TRPM6: variants seen among roughly 807,000 people sequenced by gnomAD.
The protein encoded by TRPM6 is transient receptor potential cation channel subfamily M member 6.
In TRPM6, 111 loss-of-function variants were observed where a neutral mutation model predicts 247.6. The ratio of observed to expected loss-of-function variants is 0.45; its 90% CI spans 0.38 to 0.52. TRPM6 has a LOEUF of 0.52. Among genes scored for constraint, TRPM6 ranks in the 20% least tolerant of loss-of-function variants. TRPM6 has a pLI of 0.00. For missense variants in TRPM6, 2,126 were observed against 2,421.5 expected, an observed-to-expected ratio of 0.88 and a Z score of 2.56; for synonymous variants, 892 against 853.8, an observed-to-expected ratio of 1.04 and a Z score of -0.78.
intron 6 of TRPM6, among the ~76,000 whole-genome samples, chr9:74,833,094 G>A (rs1829600070): frequency 6.6e-6 from 1 of 151,898 alleles, no homozygotes; most frequent in African/African-American, 2.4e-5. Context: ...AATCATGTCT[G>A]TATTAATCGA....
chr9:74,750,655 A>T lies in TRPM6; in HGVS notation c.5057+9T>A. 1 of 1,613,102 alleles carries T rather than the reference A, an allele frequency of 6.2e-7. No individual in the cohort carries two copies. Reference sequence around the variant, plus strand: ...AGATTCTTAAACATAAACATTTAGAAATACTCACAGGGAGTTCCTATTGAG... The same window carrying T: ...AGATTCTTAAACATAAACATTTAGATATACTCACAGGGAGTTCCTATTGAG... On this transcript the variant is annotated intron_variant, in intron 30 of 38. Transcript: ENST00000360774.
intron 4 of TRPM6, among the ~76,000 whole-genome samples, chr9:74,841,047 TATTGTAAATTTTACCTTCTAATTAAA>T (rs780410710): frequency 6.4e-4 from 97 of 152,280 alleles, no homozygotes; most frequent in African/African-American, 1.7e-3. Flanking sequence ...ACATTTAATT[TATTGTAAATTTTACCTTCTAATTAAA>T]ATTGTAAATT....
intron 1 of TRPM6, among the ~76,000 whole-genome samples, chr9:74,869,780 T>C (rs1226810328): frequency 6.6e-6 from 1 of 152,012 alleles, no homozygotes; most frequent in Non-Finnish European, 1.5e-5. Context: ...CGAATGGAAA[T>C]GACTGTAGAG....
At chr9:74,884,341 G>A (rs991612619) in intron 1 of TRPM6, among the ~76,000 whole-genome samples, 7 of 151,206 alleles carry the variant, frequency 4.6e-5, no homozygotes, top group Admixed American at 1.3e-4. Flanking sequence ...TACAAAAAAT[G>A]AGCCGGGCGT....
intron 30 of TRPM6, among the ~76,000 whole-genome samples, chr9:74,750,437 T>G (rs989675681): frequency 2.0e-5 from 3 of 152,128 alleles, no homozygotes; most frequent in Non-Finnish European, 2.9e-5. Context: ...GTTGTAGGAG[T>G]ATGTGTTTCG....
intron 11 of TRPM6, among the ~76,000 whole-genome samples, chr9:74,813,231 A>G (rs1828798095): frequency 6.6e-6 from 1 of 152,340 alleles, no homozygotes; most frequent in South Asian, 2.1e-4. Flanking sequence ...TACAAAATAA[A>G]TCTACAAGGA....
chr9:74,882,157 A>G (rs537653175), intron 1 of TRPM6, among the ~76,000 whole-genome samples: 1 of 152,316 alleles, frequency 6.6e-6, no homozygotes, highest in South Asian at 2.1e-4. Flanking sequence ...TTTTGCAGCT[A>G]AGACCTCATA....
At chr9:74,805,956 A>G (rs1473592872) in intron 14 of TRPM6, among the ~76,000 whole-genome samples, 3 of 152,194 alleles carry the variant, frequency 2.0e-5, no homozygotes, top group African/African-American at 4.8e-5. Context: ...TGTTGATTGG[A>G]TATTTCATTA....
chr9:74,795,131 C>T (rs934905479), intron 18 of TRPM6, among the ~76,000 whole-genome samples: 6 of 152,094 alleles, frequency 3.9e-5, no homozygotes, highest in African/African-American at 1.4e-4. Context: ...CCCTTCAAGA[C>T]GGCCTTGTTT....
At chr9:74,837,560 C>T (rs1044301449) in intron 5 of TRPM6, among the ~76,000 whole-genome samples, 1 of 152,022 alleles carries the variant, frequency 6.6e-6, no homozygotes, top group African/African-American at 2.4e-5. Context: ...CATTCTCCTG[C>T]CTCAGCCTCC....
intron 21 of TRPM6, among the ~76,000 whole-genome samples, chr9:74,783,293 A>T (rs1313458449): frequency 6.6e-6 from 1 of 152,232 alleles, no homozygotes; most frequent in African/African-American, 2.4e-5. Context: ...AGCCAGTTTA[A>T]TTCCATCTAC....
rs1825809703 is a variant in TRPM6 at position 74,739,942 on chromosome 9, G to A, written c.5268C>T (p.Ser1756=). The change falls in exon 34 of 39, where the codon TCC becomes TCT. Residue 1756 remains serine, a synonymous_variant. Transcript: ENST00000360774. Reference sequence around the variant, plus strand: ...CCGCTCTCCCACGCTGAGACCAAGAGGACATGCTTTTATCAAGGTTTAAAG... The same window carrying A: ...CCGCTCTCCCACGCTGAGACCAAGAAGACATGCTTTTATCAAGGTTTAAAG... ...SSPLNLDKSM[S]SWSQRGRAAM... 1 of 1,614,076 alleles carries A rather than the reference G, an allele frequency of 6.2e-7. No homozygotes were observed. Among genetic ancestry groups the A allele is most frequent in the Non-Finnish European group, 8.5e-7 (1 of 1,180,012 alleles).
chr9:74,730,241 A>T (rs1282068855), intron 37 of TRPM6, among the ~76,000 whole-genome samples: 1 of 152,214 alleles, frequency 6.6e-6, no homozygotes, highest in Non-Finnish European at 1.5e-5. Context: ...AGAACATCTC[A>T]TCATCGTTTC....
chr9:74,863,393 T>C (rs1296660835), intron 1 of TRPM6, among the ~76,000 whole-genome samples: 1 of 152,078 alleles, frequency 6.6e-6, no homozygotes, highest in Non-Finnish European at 1.5e-5. Flanking sequence ...CCACATGAAG[T>C]CAGATGTGAA....
intron 25 of TRPM6, among the ~76,000 whole-genome samples, chr9:74,764,836 C>T (rs962729938): frequency 6.6e-6 from 1 of 151,968 alleles, no homozygotes; most frequent in African/African-American, 2.4e-5. Flanking sequence ...AAAACTTTCA[C>T]AATTTATTGA....
At chr9:74,738,850 C>T in intron 35 of TRPM6, among the ~76,000 whole-genome samples, 1 of 152,124 alleles carries the variant, frequency 6.6e-6, no homozygotes, top group East Asian at 1.9e-4. Flanking sequence ...AGTACCAGAC[C>T]CAACTCTTCT....
At chr9:74,735,038 C>T (rs76535054) in intron 36 of TRPM6, among the ~76,000 whole-genome samples, 1 of 151,944 alleles carries the variant, frequency 6.6e-6, no homozygotes, top group South Asian at 2.1e-4. Flanking sequence ...CATGGTGAAA[C>T]CCCATCACTA....
intron 27 of TRPM6, among the ~76,000 whole-genome samples, chr9:74,760,882 A>G (rs1215648754): frequency 6.6e-6 from 1 of 152,122 alleles, no homozygotes; most frequent in Non-Finnish European, 1.5e-5. Flanking sequence ...GTTATTTATC[A>G]TGAGAGTGGA....
At chr9:74,801,053 T>C (rs1828313769) in intron 16 of TRPM6, among the ~76,000 whole-genome samples, 1 of 151,838 alleles carries the variant, frequency 6.6e-6, no homozygotes, top group African/African-American at 2.4e-5. Flanking sequence ...CACCCCCATG[T>C]GATTTTCGAG....
Sources: allele counts gnomAD v4.1 joint callset (sites outside exome capture counted in the v4.1 genomes callset), GRCh38; gene constraint gnomAD v4.1.1; transcripts MANE v1.5; gene names NCBI Gene and HGNC (gene_info 2026-07-23, HGNC 2026-07-21).